GUCY1A2: variants seen among roughly 807,000 people sequenced by gnomAD.
The protein encoded by GUCY1A2 is guanylate cyclase 1 soluble subunit alpha 2, also known as guanylate cyclase soluble subunit alpha-2.
In GUCY1A2, 27 loss-of-function variants were observed where a neutral mutation model predicts 63.5. The ratio of observed to expected loss-of-function variants is 0.43; its 90% CI spans 0.31 to 0.59. GUCY1A2 has a LOEUF of 0.59. GUCY1A2 is among the 20% of genes least tolerant of loss of function. The probability of loss-of-function intolerance (pLI) is 0.11; values close to 1 mark genes in which losing one functional copy is unlikely to be tolerated. For missense variants in GUCY1A2, 768 were observed against 913.3 expected (o/e 0.84, Z 2.05); for synonymous variants, 364 against 343.5 (o/e 1.06, Z -0.66).
intron 6 of GUCY1A2, among the ~76,000 whole-genome samples, chr11:106,709,643 GAA>G (rs1382551931): frequency 3.8e-5 from 3 of 78,484 alleles, no homozygotes; most frequent in African/African-American, 2.3e-4. Context: ...TACACGTATA[GAA>G]TATATAGTTA....
intron 7 of GUCY1A2, among the ~76,000 whole-genome samples, chr11:106,690,504 C>T (rs1591231547): frequency 6.6e-6 from 1 of 152,040 alleles, no homozygotes; most frequent in East Asian, 1.9e-4. Context: ...GAGAACAACA[C>T]ACATTGGAGC....
chr11:106,929,926 A>C (rs754200170), intron 4 of GUCY1A2, among the ~76,000 whole-genome samples: 15 of 152,208 alleles, frequency 9.9e-5, no homozygotes, highest in Non-Finnish European at 1.8e-4. Context: ...GAAGACACTT[A>C]AAACAGTGCC....
chr11:106,722,541 T>C (rs1311720358), intron 6 of GUCY1A2, among the ~76,000 whole-genome samples: 2 of 152,086 alleles, frequency 1.3e-5, no homozygotes, highest in South Asian at 2.1e-4. Flanking sequence ...AATAGAACCA[T>C]GAACCAGTAA....
At chr11:106,724,680 T>C (rs1350795626) in intron 6 of GUCY1A2, among the ~76,000 whole-genome samples, 1 of 152,234 alleles carries the variant, frequency 6.6e-6, no homozygotes, top group African/African-American at 2.4e-5. Context: ...ATATATTATC[T>C]GCCTGCCCTT....
intron 4 of GUCY1A2, among the ~76,000 whole-genome samples, chr11:106,919,330 T>C (rs532886938): frequency 6.6e-6 from 1 of 152,260 alleles, no homozygotes; most frequent in East Asian, 1.9e-4. Context: ...TAGTTAACAA[T>C]ACTGTATTGT....
chr11:106,972,040 G>A (rs1315280556), intron 3 of GUCY1A2, among the ~76,000 whole-genome samples: 1 of 152,050 alleles, frequency 6.6e-6, no homozygotes, highest in African/African-American at 2.4e-5. Context: ...CAAAAGATCT[G>A]ACCAGTACAC....
chr11:106,708,825 T>C lies in GUCY1A2; in HGVS notation c.1837-159A>G, dbSNP rs927943294. ...GTCCTGGTCATTTTTGTGAGCCTAA[T>C]AGCTGGATCATTATAGGGCTCAAAG... On this transcript the variant is annotated intron_variant, in intron 6 of 7. Transcript: ENST00000526355. 5.3e-5 allele frequency among the ~76,000 whole-genome samples: 8 copies of C among 151,902 alleles called. No individual in the cohort carries two copies. In the South Asian group the frequency reaches 8.3e-4, roughly 16 times the overall value.
At chr11:106,753,001 C>T (rs1591262104) in intron 6 of GUCY1A2, among the ~76,000 whole-genome samples, 2 of 152,160 alleles carry the variant, frequency 1.3e-5, no homozygotes, top group African/African-American at 4.8e-5. Context: ...TCCTATTTCT[C>T]CAAATCCTCT....
intron 6 of GUCY1A2, among the ~76,000 whole-genome samples, chr11:106,719,297 T>C (rs1242311256): frequency 6.6e-6 from 1 of 152,066 alleles, no homozygotes; most frequent in African/African-American, 2.4e-5. Context: ...GGAATAAAAT[T>C]TCTAGGAAGA....
rs140277487 is a variant in GUCY1A2 at position 106,688,225 on chromosome 11, A to C, written c.1992-469T>G. 7.1e-4 allele frequency among the ~76,000 whole-genome samples: 108 copies of C among 152,292 alleles called. 1 individual carries two copies. The highest frequency in any genetic ancestry group is 5.6e-3 in the South Asian group (27 of 4,820). The stretch of plus-strand genomic sequence containing the variant: ...GTGTGTCCTGTATGTAAAAAACTTT[A>C]ATCAAGTATTTAACTTTGTAGAACA... On this transcript the variant is annotated intron_variant, in intron 7 of 7. Transcript: ENST00000526355.
intron 4 of GUCY1A2, among the ~76,000 whole-genome samples, chr11:106,844,633 T>A (rs1440469124): frequency 2.0e-5 from 3 of 151,808 alleles, no homozygotes; most frequent in Non-Finnish European, 4.4e-5. Flanking sequence ...GAAATACACA[T>A]TTTAAGCCTG....
Position 106,716,792 on chromosome 11 carries a change from AAAGAT to A in GUCY1A2, c.1837-8131_1837-8127del, listed in dbSNP as rs1423308478. Among the ~76,000 whole-genome samples the A allele has an allele frequency of 2.0e-3, 256 of 126,352 alleles. 4 individuals carry two copies. The highest frequency in any genetic ancestry group is 4.5e-3 in the Middle Eastern group (1 of 220). 82.9% of individuals were successfully genotyped at this position (126,352 alleles called of 152,430 possible). ...TCAAAAAAAAAAAAAAAAAAAAAAA[AAAGAT>A]AAGAGTAAATCTCAGGAATTATAAG... is the stretch of plus-strand genomic sequence containing the variant. On this transcript the variant is annotated intron_variant, in intron 6 of 7. Coordinates refer to ENST00000526355, the MANE Select transcript of GUCY1A2 (RefSeq NM_000855.3).
chr11:106,688,009 T>C lies in GUCY1A2; in HGVS notation c.1992-253A>G, dbSNP rs553504815. Among the ~76,000 whole-genome samples, 20 of 152,306 alleles carry C rather than the reference T, an allele frequency of 1.3e-4. 1 individual carries two copies. In the South Asian group the frequency reaches 3.9e-3, roughly 30 times the overall value. On this transcript the variant is annotated intron_variant, in intron 7 of 7. Coordinates refer to ENST00000526355, the MANE Select transcript of GUCY1A2 (RefSeq NM_000855.3). ...ACTACCTGAAAATATTTGTTCAAGA[T>C]TGATTTCTTTCTAAACAGCATTCCT... is the stretch of plus-strand genomic sequence containing the variant.
At chr11:106,850,069 T>C (rs937494498) in intron 4 of GUCY1A2, among the ~76,000 whole-genome samples, 1 of 151,696 alleles carries the variant, frequency 6.6e-6, no homozygotes, top group African/African-American at 2.4e-5. Context: ...GCGTCAGTCA[T>C]AGGCAAACTA....
chr11:106,827,568 T>C, intron 4 of GUCY1A2: 1 of 1,448,860 alleles, frequency 6.9e-7, no homozygotes, highest in South Asian at 1.1e-5. Flanking sequence ...ACAGAGTTTC[T>C]TATATACATG....
rs760245344 is a variant in GUCY1A2 at position 106,680,839 on chromosome 11, T to G, written c.*6710A>C. 3 of 206,692 alleles carry G rather than the reference T, an allele frequency of 1.5e-5. No individual in the cohort carries two copies. The highest frequency in any genetic ancestry group is 6.8e-5 in the African/African-American group (3 of 43,822). 12.8% of individuals were successfully genotyped at this position (206,692 alleles called of 1,614,324 possible). ...TCATATTCATGTTTAGGGGATTGTT[T>G]ACCTTGCAGGGCAATAATAGGAGCT... On this transcript the variant is annotated 3_prime_UTR_variant, in exon 8 of 8. Transcript: ENST00000526355.
At chr11:106,893,387 A>T (rs756135876) in intron 4 of GUCY1A2, among the ~76,000 whole-genome samples, 5 of 152,088 alleles carry the variant, frequency 3.3e-5, no homozygotes, top group Non-Finnish European at 7.4e-5. Flanking sequence ...TTAGTCTTTA[A>T]AAAAAAACTT....
intron 4 of GUCY1A2, among the ~76,000 whole-genome samples, chr11:106,897,487 C>A (rs1411614864): frequency 6.6e-6 from 1 of 151,626 alleles, no homozygotes; most frequent in East Asian, 1.9e-4. Flanking sequence ...GTGGTATTTG[C>A]AAAAGAATAG....
intron 6 of GUCY1A2, among the ~76,000 whole-genome samples, chr11:106,733,420 A>G (rs1433777799): frequency 6.6e-6 from 1 of 152,154 alleles, no homozygotes; most frequent in Non-Finnish European, 1.5e-5. Flanking sequence ...TATTTTCTCA[A>G]GAAGTTAACT....
Sources: gnomAD v4.1 joint callset for allele counts (sites outside exome capture counted in the v4.1 genomes callset) on GRCh38, gnomAD v4.1.1 for gene constraint, MANE v1.5 for transcripts, NCBI Gene and HGNC (gene_info 2026-07-23, HGNC 2026-07-21) for gene names.